HPCAL1: variants seen among roughly 807,000 people sequenced by gnomAD.
HPCAL1 encodes the protein hippocalcin like 1.
Under a neutral mutation model 17.1 loss-of-function variants are expected in HPCAL1, and 8 were observed. The ratio of observed to expected loss-of-function variants is 0.47; its 90% CI spans 0.27 to 0.84. HPCAL1 has a LOEUF of 0.84. HPCAL1 is among the 40% of genes least tolerant of loss of function. HPCAL1 has a pLI of 0.13. For synonymous variants in HPCAL1, 112 were observed against 111.4 expected (o/e 1.01, Z -0.03); for missense variants, 165 against 271.1 (o/e 0.61, Z 2.75).
At chr2:10,403,435 CT>C (rs1300530752) in intron 2 of HPCAL1, among the ~76,000 whole-genome samples, 1 of 150,760 alleles carries the variant, frequency 6.6e-6, no homozygotes, top group African/African-American at 2.5e-5. Context: ...AAATGATGCC[CT>C]CATAACAAAG....
At chr2:10,387,728 C>T (rs868246932) in intron 1 of HPCAL1, among the ~76,000 whole-genome samples, 7 of 152,170 alleles carry the variant, frequency 4.6e-5, no homozygotes, top group East Asian at 1.9e-4. Flanking sequence ...ACACTTATTC[C>T]GATGCCTGAA....
chr2:10,366,015 A>C (rs1436629801), intron 1 of HPCAL1, among the ~76,000 whole-genome samples: 1 of 152,106 alleles, frequency 6.6e-6, no homozygotes, highest in Non-Finnish European at 1.5e-5. Context: ...CAGTTCGTCC[A>C]CGTTTGCCCA....
intron 1 of HPCAL1, among the ~76,000 whole-genome samples, chr2:10,385,558 C>G (rs747729707): frequency 2.6e-5 from 4 of 152,042 alleles, no homozygotes; most frequent in African/African-American, 4.8e-5. Flanking sequence ...ATTTCACTTG[C>G]GGATGCAGAA....
rs1301354821 is a variant in HPCAL1 at position 10,384,014 on chromosome 2, C to T, written c.-110-12821C>T. On this transcript the variant is annotated intron_variant, in intron 1 of 4. Transcript: ENST00000307845. This position sits in a 1 kb window ranked among gnomAD's most constrained non-coding sequence, Gnocchi z 4.4. Reference sequence around the variant, plus strand: ...TATAATTACACATGCATATACATCGCGTACACACACACACCCACACACACA... The same window carrying T: ...TATAATTACACATGCATATACATCGTGTACACACACACACCCACACACACA... Among the ~76,000 whole-genome samples, 2 of 86,802 alleles carry T rather than the reference C, an allele frequency of 2.3e-5. No homozygotes were observed. Among genetic ancestry groups the T allele is most frequent in the African/African-American group, 5.6e-5 (1 of 17,884 alleles). 56.9% of individuals were successfully genotyped at this position (86,802 alleles called of 152,430 possible). A position where few individuals can be genotyped will look rare whatever the true frequency, so the allele number is the denominator to read the frequency against.
intron 2 of HPCAL1, among the ~76,000 whole-genome samples, chr2:10,398,763 C>T (rs115452336): frequency 0.023 from 3,531 of 152,260 alleles, 124 homozygotes; most frequent in African/African-American, 0.077. Flanking sequence ...TTTCTCCTTC[C>T]GCTTTCTCCT....
chr2:10,398,072 G>T (rs934611005), intron 2 of HPCAL1, among the ~76,000 whole-genome samples: 2 of 152,076 alleles, frequency 1.3e-5, no homozygotes, highest in Non-Finnish European at 2.9e-5. Context: ...GACTATTATG[G>T]TGACTCTTGT....
intron 1 of HPCAL1, among the ~76,000 whole-genome samples, chr2:10,378,985 C>T (rs926540441): frequency 6.6e-6 from 1 of 152,056 alleles, no homozygotes; most frequent in Non-Finnish European, 1.5e-5. Context: ...GTTTCAGGTC[C>T]CGCTTTTTCT....
chr2:10,318,395 C>T (rs1406218981), intron 1 of HPCAL1, among the ~76,000 whole-genome samples: 1 of 152,102 alleles, frequency 6.6e-6, no homozygotes, highest in Non-Finnish European at 1.5e-5. Context: ...CTTTCTCTCC[C>T]TTCTTTGGGT....
Position 10,377,499 on chromosome 2 carries a change from C to G in HPCAL1, c.-110-19336C>G, listed in dbSNP as rs1189029650. Reference sequence around the variant, plus strand: ...TGCCATCTGAGTGTCACGACCACACCCCCATCCCTGTCCTTTCACGCACTG... The same window carrying G: ...TGCCATCTGAGTGTCACGACCACACGCCCATCCCTGTCCTTTCACGCACTG... On this transcript the variant is annotated intron_variant, in intron 1 of 4. Transcript: ENST00000307845. This position sits in a 1 kb window ranked among gnomAD's most constrained non-coding sequence, Gnocchi z 5.9. Among the ~76,000 whole-genome samples the G allele has an allele frequency of 6.6e-6, 1 of 152,276 alleles. No homozygotes were observed. Among genetic ancestry groups the G allele is most frequent in the Non-Finnish European group, 1.5e-5 (1 of 68,008 alleles).
chr2:10,372,166 G>A (rs936684161), intron 1 of HPCAL1, among the ~76,000 whole-genome samples: 1 of 152,190 alleles, frequency 6.6e-6, no homozygotes, highest in Non-Finnish European at 1.5e-5. Context: ...TTTATTTCTG[G>A]TCATTCCTCA....
At chr2:10,338,075 C>T (rs574142451) in intron 1 of HPCAL1, among the ~76,000 whole-genome samples, 3 of 152,138 alleles carry the variant, frequency 2.0e-5, no homozygotes, top group East Asian at 3.9e-4. Context: ...TTAGAAGTGG[C>T]GCATTTAGAA....
chr2:10,421,111 A>T (rs1671035852), intron 3 of HPCAL1, among the ~76,000 whole-genome samples: 2 of 152,172 alleles, frequency 1.3e-5, no homozygotes, highest in Non-Finnish European at 2.9e-5. Flanking sequence ...ACCTGCCAAG[A>T]CCTGGGGAAA....
At chr2:10,387,729 G>A (rs1039249314) in intron 1 of HPCAL1, among the ~76,000 whole-genome samples, 2 of 152,182 alleles carry the variant, frequency 1.3e-5, no homozygotes, top group Non-Finnish European at 2.9e-5. Flanking sequence ...CACTTATTCC[G>A]ATGCCTGAAT....
At chr2:10,409,630 T>A (rs947883103) in intron 2 of HPCAL1, among the ~76,000 whole-genome samples, 1 of 152,104 alleles carries the variant, frequency 6.6e-6, no homozygotes, top group East Asian at 1.9e-4. Context: ...CACAAACCTG[T>A]TTGTCTTCCA....
At chr2:10,338,221 C>T (rs1277815532) in intron 1 of HPCAL1, among the ~76,000 whole-genome samples, 1 of 152,042 alleles carries the variant, frequency 6.6e-6, no homozygotes, top group African/African-American at 2.4e-5. Context: ...GGGGTTTCTT[C>T]TGGGGGTAAT....
intron 1 of HPCAL1, among the ~76,000 whole-genome samples, chr2:10,360,699 G>C (rs182227657): frequency 6.6e-6 from 1 of 152,154 alleles, no homozygotes; most frequent in African/African-American, 2.4e-5. Context: ...CCACCATGCC[G>C]CCCGGCCTTA....
intron 1 of HPCAL1, among the ~76,000 whole-genome samples, chr2:10,311,280 G>T (rs1662945398): frequency 6.6e-6 from 1 of 152,200 alleles, no homozygotes; most frequent in Admixed American, 6.5e-5. Context: ...TAGCCTCCAG[G>T]GGTGGGACAT....
rs574732051 is a variant in HPCAL1, at chr2:10,371,898, G to A, written c.-110-24937G>A. On this transcript the variant is annotated intron_variant, in intron 1 of 4. Coordinates refer to ENST00000307845, the MANE Select transcript of HPCAL1 (RefSeq NM_002149.4). ...CTCACTGGCTTCAGGTCAGGGCTTG[G>A]CTCTGTGCTGCAGCCTTAAGCCAGC... Among the ~76,000 whole-genome samples, 14 of 152,302 alleles carry A rather than the reference G, an allele frequency of 9.2e-5. No individual in the cohort carries two copies. The South Asian group carries it at 1.2e-3, about 14-fold the overall frequency.
rs1175944712 is a variant in HPCAL1, at chr2:10,363,571, GA to G, written c.-110-33263del. Among the ~76,000 whole-genome samples, 1 of 152,192 alleles carries G rather than the reference GA, an allele frequency of 6.6e-6. No homozygotes were observed. The highest frequency in any genetic ancestry group is 1.5e-5 in the Non-Finnish European group (1 of 68,032). On this transcript the variant is annotated intron_variant, in intron 1 of 4. Coordinates refer to ENST00000307845, the MANE Select transcript of HPCAL1 (RefSeq NM_002149.4). This position sits in a 1 kb window ranked among gnomAD's most constrained non-coding sequence, Gnocchi z 4.7. The stretch of plus-strand genomic sequence containing the variant: ...GTAGCTGTATTTCTGGGAAGTGTGT[GA>G]CCCGAAGCCTCCTCCTGTCAGAACC...
Sources: gnomAD v4.1 joint callset for allele counts (sites outside exome capture counted in the v4.1 genomes callset) on GRCh38, gnomAD v4.1.1 for gene constraint, Gnocchi (gnomAD v3.1) non-coding constraint, MANE v1.5 for transcripts, NCBI Gene and HGNC (gene_info 2026-07-23, HGNC 2026-07-21) for gene names.